The following PKHD1 variants were observed in gnomAD, a reference collection of about 807,000 sequenced individuals.
PKHD1 encodes the protein fibrocystin.
A neutral mutation model predicts 412.0 loss-of-function variants in PKHD1; 291 were observed. The ratio of observed to expected loss-of-function variants is 0.71; its 90% CI spans 0.64 to 0.78. The LOEUF is 0.78. Ranked by LOEUF, PKHD1 falls within the 30% of genes least tolerant of loss-of-function variation. The pLI is 0.00. For missense variants in PKHD1, 4,825 were observed against 4,950.7 expected (o/e 0.97, Z 0.76); for synonymous variants, 1,777 against 1,821.5 (o/e 0.98, Z 0.62).
At chr6:51,656,695 C>G (rs1256415256) in intron 61 of PKHD1, among the ~76,000 whole-genome samples, 1 of 147,216 alleles carries the variant, frequency 6.8e-6, no homozygotes, top group Non-Finnish European at 1.5e-5. Flanking sequence ...GTATCTGGCT[C>G]TGTCACCCAG....
chr6:51,974,352 C>G (rs552128102), intron 35 of PKHD1, among the ~76,000 whole-genome samples: 3 of 152,306 alleles, frequency 2.0e-5, no homozygotes, highest in African/African-American at 7.2e-5. Flanking sequence ...AGCTTCTCAT[C>G]TGGGCAAACC....
chr6:51,916,832 T>C (rs901736834), intron 37 of PKHD1, among the ~76,000 whole-genome samples: 2 of 152,122 alleles, frequency 1.3e-5, no homozygotes, highest in Non-Finnish European at 2.9e-5. Flanking sequence ...AGGACTATGC[T>C]TTTAACTTGT....
chr6:52,028,252 T>C lies in PKHD1; in HGVS notation c.3464A>G (p.Gln1155Arg). The C allele has an allele frequency of 6.2e-7, 1 of 1,614,162 alleles. No homozygotes were observed. Among genetic ancestry groups the C allele is most frequent in the Non-Finnish European group, 8.5e-7 (1 of 1,180,008 alleles). ...VQDALAPVHTQSAWGLEVALP... is the reference protein window; with the variant it reads ...VQDALAPVHTRSAWGLEVALP... ...TGCCACCTCCAGGCCCCAAGCCGAC[T>C]GTGTGTGAACCGGAGCCAAGGCATC... The change falls in exon 30 of 67, where the codon CAG becomes CGG. Residue 1155 changes from glutamine (Q) to arginine (R), a missense_variant. Coordinates refer to ENST00000371117, the MANE Select transcript of PKHD1 (RefSeq NM_138694.4).
intron 60 of PKHD1, among the ~76,000 whole-genome samples, chr6:51,684,738 T>C (rs1285249557): frequency 6.6e-6 from 1 of 152,112 alleles, no homozygotes; most frequent in Non-Finnish European, 1.5e-5. Flanking sequence ...AGCAAGCACT[T>C]AAGCAGCATA....
At chr6:51,735,113 CAAGTA>C (rs1015135204) in intron 60 of PKHD1, among the ~76,000 whole-genome samples, 3 of 152,140 alleles carry the variant, frequency 2.0e-5, no homozygotes, top group Non-Finnish European at 2.9e-5. Context: ...TATTTGCTAC[CAAGTA>C]AAGTAAAAAT....
chr6:51,796,851 C>G (rs1176612076), intron 52 of PKHD1, among the ~76,000 whole-genome samples: 1 of 144,850 alleles, frequency 6.9e-6, no homozygotes, highest in African/African-American at 2.6e-5. Context: ...AGTCTCATCA[C>G]TCTGTCACCC....
chr6:51,805,503 C>G (rs1336049291), intron 52 of PKHD1, among the ~76,000 whole-genome samples: 2 of 152,106 alleles, frequency 1.3e-5, no homozygotes, highest in African/African-American at 4.8e-5. Context: ...TGTAACCAGC[C>G]TGCACATGTA....
chr6:51,657,278 C>T (rs779160147), intron 61 of PKHD1, among the ~76,000 whole-genome samples: 51 of 151,944 alleles, frequency 3.4e-4, no homozygotes, highest in African/African-American at 8.0e-4. Context: ...GAGACTGTGT[C>T]GGGCTTTAGG....
chr6:51,924,932 T>G (rs1306802000), intron 37 of PKHD1, among the ~76,000 whole-genome samples: 2 of 152,266 alleles, frequency 1.3e-5, no homozygotes, highest in Non-Finnish European at 1.5e-5. Context: ...CATTACATGT[T>G]TTGTTTCATT....
chr6:51,709,892 G>A (rs1414607365), intron 60 of PKHD1, among the ~76,000 whole-genome samples: 8 of 142,432 alleles, frequency 5.6e-5, no homozygotes, highest in Non-Finnish European at 4.5e-5. Flanking sequence ...AGATATTCTA[G>A]CTAGTCAATG....
intron 53 of PKHD1, among the ~76,000 whole-genome samples, chr6:51,776,520 A>G (rs1791051342): frequency 6.6e-6 from 1 of 152,026 alleles, no homozygotes; most frequent in African/African-American, 2.4e-5. Context: ...TGCCTGATAC[A>G]CTGTCTATGG....
At chr6:52,044,856 G>A (rs1805524376) in intron 25 of PKHD1, 110 bp downstream of exon 25, 1 of 1,230,324 alleles carries the variant, frequency 8.1e-7, no homozygotes, top group African/African-American at 1.5e-5. Flanking sequence ...TTTACACATT[G>A]GCAAAATGAC....
At chr6:51,781,053 T>G (rs1230743273) in intron 53 of PKHD1, among the ~76,000 whole-genome samples, 1 of 152,166 alleles carries the variant, frequency 6.6e-6, no homozygotes, top group Admixed American at 6.6e-5. Flanking sequence ...CTTTGGAAGT[T>G]GAGCTTCTAC....
chr6:51,761,586 G>A (rs1355932980), intron 55 of PKHD1, among the ~76,000 whole-genome samples: 5 of 151,838 alleles, frequency 3.3e-5, no homozygotes, highest in African/African-American at 4.8e-5. Context: ...GTGTGGATGT[G>A]AAGTATCCTT....
intron 36 of PKHD1, among the ~76,000 whole-genome samples, chr6:51,950,948 A>G (rs901405263): frequency 3.3e-5 from 5 of 152,166 alleles, no homozygotes; most frequent in African/African-American, 1.2e-4. Flanking sequence ...CACTTTAGAG[A>G]TGACTATAAG....
At position 51,618,988 on chromosome 6, in the gene PKHD1, G is replaced by T; in HGVS notation, c.*93C>A. The T allele has an allele frequency of 8.8e-7, 1 of 1,140,298 alleles. No individual in the cohort carries two copies. Among genetic ancestry groups the T allele is most frequent in the Non-Finnish European group, 1.3e-6 (1 of 752,012 alleles). The allele number at this position is 1,140,298 out of a possible 1,614,324, so 70.6% of individuals were successfully genotyped here. A position where few individuals can be genotyped will look rare whatever the true frequency, so the allele number is the denominator to read the frequency against. On this transcript the variant is annotated 3_prime_UTR_variant, in exon 67 of 67. Transcript: ENST00000371117. ...GAGTCCACATTCTCTCTTCTTAGTTGTCCCAGCAGGACAGTCCTCACTTCC... is the reference window on the plus strand; with the variant it reads ...GAGTCCACATTCTCTCTTCTTAGTTTTCCCAGCAGGACAGTCCTCACTTCC...
At chr6:51,643,347 A>T (rs974492342) in intron 63 of PKHD1, among the ~76,000 whole-genome samples, 47 of 151,992 alleles carry the variant, frequency 3.1e-4, no homozygotes, top group African/African-American at 1.1e-3. Flanking sequence ...ATTCCTTGGG[A>T]TTTTAAACCC....
chr6:51,901,541 G>T lies in PKHD1; in HGVS notation c.6996+2056C>A, dbSNP rs996788195. 2.0e-5 allele frequency among the ~76,000 whole-genome samples: 3 copies of T among 151,968 alleles called. No individual in the cohort carries two copies. The South Asian group carries it at 6.2e-4, about 32-fold the overall frequency. ...GTTGTGGGGTGGGGGGAGTGGGGAGGAATAGCACTGGGAGATATACCTAGT... is the reference window on the plus strand; with the variant it reads ...GTTGTGGGGTGGGGGGAGTGGGGAGTAATAGCACTGGGAGATATACCTAGT... On this transcript the variant is annotated intron_variant, in intron 43 of 66. Coordinates refer to ENST00000371117, the MANE Select transcript of PKHD1 (RefSeq NM_138694.4).
intron 37 of PKHD1, among the ~76,000 whole-genome samples, chr6:51,915,025 G>A (rs957226652): frequency 3.9e-5 from 6 of 152,078 alleles, no homozygotes; most frequent in Admixed American, 2.0e-4. Context: ...GTATGTCTGG[G>A]TAGCTTGTGG....
Sources: allele counts gnomAD v4.1 joint callset (sites outside exome capture counted in the v4.1 genomes callset), GRCh38; gene constraint gnomAD v4.1.1; transcripts MANE v1.5; gene names NCBI Gene and HGNC (gene_info 2026-07-23, HGNC 2026-07-21).